The following TMC5 variants were observed in gnomAD, a reference collection of about 807,000 sequenced individuals.
TMC5 encodes transmembrane channel like 5, also known as transmembrane channel-like protein 5.
TMC5 carries 86 observed loss-of-function variants against 110.5 expected under a neutral mutation model. The observed-to-expected ratio is 0.78, with a 90% CI of 0.65 to 0.93. The LOEUF is 0.93. TMC5 is among the 40% of genes least tolerant of loss of function. The pLI is 0.00. For missense variants in TMC5, 1,144 were observed against 1,222.8 expected (o/e 0.94, Z 0.96); for synonymous variants, 455 against 439.5 (o/e 1.04, Z -0.44).
chr16:19,439,308 A>G (rs76073673), intron 2 of TMC5, among the ~76,000 whole-genome samples: 8,879 of 152,232 alleles, frequency 0.058, 395 homozygotes, highest in Non-Finnish European at 0.087. Context: ...CTAGTCCTCT[A>G]GTTTCCATTA....
rs73540115 is a variant in TMC5, at chr16:19,462,534, G to A, written c.1149-746G>A. ...AGGCCTCACAATCACGACAGAGGAC[G>A]AAGGAAGAGCAAAGGCACATCTTAC... On this transcript the variant is annotated intron_variant, in intron 6 of 21. Transcript: ENST00000542583. 2.0e-3 allele frequency: 1,377 copies of A among 702,144 alleles called. 13 individuals are homozygous for A. In the African/African-American group the frequency reaches 0.02, roughly 10 times the overall value. The allele number at this position is 702,144 out of a possible 1,614,324, so 43.5% of individuals were successfully genotyped here.
intron 10 of TMC5, among the ~76,000 whole-genome samples, chr16:19,470,194 G>GT (rs557157686): frequency 0.18 from 21,004 of 119,414 alleles, 1,977 homozygotes; most frequent in African/African-American, 0.3. Flanking sequence ...GCGCCCAGCT[G>GT]TTTTTTTTTT....
At chr16:19,460,406 A>C in intron 6 of TMC5, 72 bp downstream of exon 6, 24 of 1,084,848 alleles carry the variant, frequency 2.2e-5, no homozygotes, top group Non-Finnish European at 3.1e-5. Flanking sequence ...GCCCCATCTC[A>C]AAAAGATAAG....
At chr16:19,487,759 T>TAAATAAATAAA (rs1567326186) in intron 17 of TMC5, 1 of 144,770 alleles carries the variant, frequency 6.9e-6, no homozygotes, top group Non-Finnish European at 1.5e-5. Flanking sequence ...AAATAAATAA[T>TAAATAAATAAA]GTAGGTATGG....
intron 1 of TMC5, among the ~76,000 whole-genome samples, chr16:19,420,718 C>T (rs1017794740): frequency 6.6e-6 from 1 of 152,206 alleles, no homozygotes; most frequent in African/African-American, 2.4e-5. Context: ...CTGCCTCAGC[C>T]TCCCAAAGCC....
At chr16:19,484,555 A>C (rs572286624) in intron 15 of TMC5, among the ~76,000 whole-genome samples, 1 of 152,282 alleles carries the variant, frequency 6.6e-6, no homozygotes, top group African/African-American at 2.4e-5. Context: ...TGAGGTCAGG[A>C]GTTCAAGACC....
chr16:19,467,448 C>T (rs937272375), intron 9 of TMC5, among the ~76,000 whole-genome samples: 9 of 151,856 alleles, frequency 5.9e-5, no homozygotes, highest in Non-Finnish European at 1.3e-4. Flanking sequence ...ATTTAATGAC[C>T]CCATTTTAAA....
chr16:19,484,416 C>T lies in TMC5; in HGVS notation c.2364-2529C>T, dbSNP rs560889599. Among the ~76,000 whole-genome samples, 124 of 152,272 alleles carry T rather than the reference C, an allele frequency of 8.1e-4. 1 individual carries two copies. The highest frequency in any genetic ancestry group is 1.5e-3 in the Non-Finnish European group (101 of 68,024). On this transcript the variant is annotated intron_variant, in intron 15 of 21. Coordinates refer to ENST00000542583, the MANE Select transcript of TMC5 (RefSeq NM_001261841.2). ...TTGGGCAAGTTACTTAAACTCTCTC[C>T]AAACCTTAGTTTTCTAATCTTTAAA...
Position 19,439,310 on chromosome 16 carries a change from T to G in TMC5, c.-79-650T>G, listed in dbSNP as rs1378166224. Among the ~76,000 whole-genome samples, 3 of 152,294 alleles carry G rather than the reference T, an allele frequency of 2.0e-5. No individual in the cohort carries two copies. The East Asian group carries it at 5.8e-4, about 29-fold the overall frequency. On this transcript the variant is annotated intron_variant, in intron 2 of 21. Coordinates refer to ENST00000542583, the MANE Select transcript of TMC5 (RefSeq NM_001261841.2). ...TTGTCTACTTACCCTAGTCCTCTAG[T>G]TTCCATTAACCATTCTTCTTTTATG...
intron 3 of TMC5, 78 bp downstream of exon 3, chr16:19,440,904 G>A (rs754526989): frequency 6.8e-7 from 1 of 1,463,458 alleles, no homozygotes; most frequent in South Asian, 1.3e-5. Flanking sequence ...TTTGGTTGGT[G>A]TGGTTTAGAT....
intron 1 of TMC5, among the ~76,000 whole-genome samples, chr16:19,425,903 T>G (rs1967079574): frequency 6.6e-6 from 1 of 152,166 alleles, no homozygotes; most frequent in Non-Finnish European, 1.5e-5. Context: ...GCCAGGCTGA[T>G]CTCAAACTCC....
At chr16:19,476,928 G>A (rs1447112729) in intron 12 of TMC5, 1 of 158,824 alleles carries the variant, frequency 6.3e-6, no homozygotes, top group Non-Finnish European at 1.4e-5. Context: ...AGTCTCACAG[G>A]GGCATTAAGT....
intron 5 of TMC5, among the ~76,000 whole-genome samples, chr16:19,459,679 G>A (rs1232696184): frequency 6.6e-6 from 1 of 152,100 alleles, no homozygotes; most frequent in East Asian, 1.9e-4. Flanking sequence ...CTACTCTGGA[G>A]GCTGAGGTGG....
intron 14 of TMC5, 36 bp downstream of exon 14, chr16:19,479,564 A>G (rs752153535): frequency 6.8e-7 from 1 of 1,461,212 alleles, no homozygotes; most frequent in Admixed American, 1.7e-5. Flanking sequence ...TTAGGGCCTG[A>G]TGCTGTAAAC....
intron 20 of TMC5, among the ~76,000 whole-genome samples, chr16:19,494,667 T>C (rs1014978121): frequency 3.9e-5 from 6 of 151,934 alleles, no homozygotes; most frequent in Non-Finnish European, 7.4e-5. Flanking sequence ...GTTAGCTGGG[T>C]GTGGTGGCAC....
intron 20 of TMC5, 135 bp downstream of exon 20, chr16:19,494,501 G>T (rs927222662): frequency 9.9e-6 from 6 of 608,802 alleles, no homozygotes; most frequent in South Asian, 8.8e-5. Context: ...TATTTCTGTG[G>T]TTTTTACTTA....
chr16:19,422,899 G>A (rs192114196), intron 1 of TMC5, among the ~76,000 whole-genome samples: 32 of 152,306 alleles, frequency 2.1e-4, no homozygotes, highest in South Asian at 8.3e-4. Flanking sequence ...AGTGAGCTGA[G>A]ATTGAGCCAT....
At position 19,487,341 on chromosome 16, in the gene TMC5, C is replaced by T. The variant is rs1424223918; in HGVS notation, c.2573+15C>T. On this transcript the variant is annotated intron_variant, in intron 17 of 21. Coordinates refer to ENST00000542583, the MANE Select transcript of TMC5 (RefSeq NM_001261841.2). ...ACCATCTGGAGGTAGGAGAAGGTGG[C>T]CTTGGGGGAGGTTTTAGAGACTGGG... 1 of 1,607,696 alleles carries T rather than the reference C, an allele frequency of 6.2e-7. No individual in the cohort carries two copies. The highest frequency in any genetic ancestry group is 8.5e-7 in the Non-Finnish European group (1 of 1,177,786).
intron 4 of TMC5, among the ~76,000 whole-genome samples, chr16:19,448,149 CAAAAA>C (rs36050231): frequency 1.3e-5 from 1 of 76,436 alleles, no homozygotes. Flanking sequence ...GAGCAAGTCT[CAAAAA>C]AAAAAAAAAA....
Sources: gnomAD v4.1 joint callset for allele counts (sites outside exome capture counted in the v4.1 genomes callset) on GRCh38, gnomAD v4.1.1 for gene constraint, MANE v1.5 for transcripts, NCBI Gene and HGNC (gene_info 2026-07-23, HGNC 2026-07-21) for gene names.